Variants in OTOG observed in about 807,000 individuals in gnomAD.
OTOG encodes otogelin.
In OTOG, 296 loss-of-function variants were observed where a neutral mutation model predicts 313.8. The observed-to-expected ratio is 0.94, with a 90% confidence interval of 0.86 to 1.04. OTOG has a LOEUF of 1.04. Ranked by LOEUF, OTOG falls within the 50% of genes least tolerant of loss-of-function variation. The probability of loss-of-function intolerance (pLI) is 0.00; values close to 1 mark genes in which losing one functional copy is unlikely to be tolerated. For synonymous variants in OTOG, 1,533 were observed against 1,554.9 expected (o/e 0.99, Z 0.33); for missense variants, 3,948 against 3,840.1 (o/e 1.03, Z -0.74).
In OTOG at chr11:17,611,351, C is replaced by T; in HGVS notation, c.6051C>T (p.Ala2017=). Residue 2017 remains alanine, a synonymous_variant, in exon 36 of 56, where the codon GCC becomes GCT. Coordinates refer to ENST00000399397, the MANE Select transcript of OTOG (RefSeq NM_001292063.2). ...AACCATCTGGGCGCTCAGCCCCAGC[C>T]CTGAGCATCGTAGAGGGTTTGGCGG... ...TTEPSGRSAP[A]LSIVEGLAEA... The T allele has an allele frequency of 1.3e-6, 2 of 1,550,034 alleles. No individual in the cohort carries two copies. Among genetic ancestry groups the T allele is most frequent in the Non-Finnish European group, 8.7e-7 (1 of 1,146,580 alleles).
chr11:17,639,308 T>C, intron 48 of OTOG, 115 bp from the exon 49 acceptor site: 3 of 1,122,572 alleles, frequency 2.7e-6, no homozygotes, highest in Non-Finnish European at 3.9e-6. Flanking sequence ...AGGCCTGGCC[T>C]GGAGCTGGGT....
chr11:17,586,351 C>G, intron 23 of OTOG, 123 bp from the exon 24 acceptor site: 1 of 447,020 alleles, frequency 2.2e-6, no homozygotes. Context: ...AATACACAGT[C>G]AGTCTCTTCT....
rs1854189344 is a variant in OTOG at position 17,633,735 on chromosome 11, A to C, written c.7128A>C (p.Pro2376=). ...TYQACVTACE[P]PKTCQDGILG... is the part of the protein sequence containing the mutation. ...AGGCATGTGTGACAGCCTGTGAGCC[A>C]CCCAAGACATGCCAGGATGGGATAC... The change falls in exon 43 of 56, where the codon CCA becomes CCC. Residue 2376 remains proline (P), a synonymous_variant. Transcript: ENST00000399397. The C allele has an allele frequency of 1.3e-6, 2 of 1,550,194 alleles. No individual in the cohort carries two copies. Among genetic ancestry groups the C allele is most frequent in the South Asian group, 1.2e-5 (1 of 84,020 alleles).
In OTOG at chr11:17,631,895, C is replaced by A. The variant is rs1386742817; in HGVS notation, c.6906C>A (p.Asn2302Lys). The A allele has an allele frequency of 6.5e-7, 1 of 1,550,284 alleles. No homozygotes were observed. The highest frequency in any genetic ancestry group is 1.2e-5 in the South Asian group (1 of 84,058). Residue 2302 changes from asparagine to lysine, a missense_variant, in exon 41 of 56, where the codon AAC becomes AAA. Coordinates refer to ENST00000399397, the MANE Select transcript of OTOG (RefSeq NM_001292063.2). ...CGCCCTGCCTTCGCATGGTGTCCAA[C>A]CGCACCTTCAGTGCCTGCCACCGCT... ...DCSPCLRMVS[N>K]RTFSACHRFV...
chr11:17,596,963 G>A lies in OTOG; in HGVS notation c.3638G>A (p.Cys1213Tyr). ...GTCTCCGCTTATGCCCACCAGTGTT[G>A]CCAGCATGGGGTGGCTGTTGACTGG... ...ASVSAYAHQC[C>Y]QHGVAVDWRT... Residue 1213 changes from cysteine (C) to tyrosine (Y), a missense_variant, in exon 30 of 56, where the codon TGC becomes TAC. Transcript: ENST00000399397. The A allele has an allele frequency of 6.4e-7, 1 of 1,550,584 alleles. No individual in the cohort carries two copies. Among genetic ancestry groups the A allele is most frequent in the Non-Finnish European group, 8.7e-7 (1 of 1,147,010 alleles).
chr11:17,570,120 C>G (rs1048228797), intron 16 of OTOG, 93 bp from the exon 17 acceptor site: 2 of 1,169,264 alleles, frequency 1.7e-6, no homozygotes, highest in African/African-American at 1.5e-5. Context: ...CTGGGCCGGG[C>G]GTGGGAGTCT....
Position 17,643,520 on chromosome 11 carries a change from G to T in OTOG, c.8461+14G>T. ...GCTGCAGGACCTGTGAGTGAGCATGGTGGGGGCCCAGGGGTGGGGGGCTCT... is the reference window on the plus strand; with the variant it reads ...GCTGCAGGACCTGTGAGTGAGCATGTTGGGGGCCCAGGGGTGGGGGGCTCT... On this transcript the variant is annotated intron_variant, in intron 54 of 55. Coordinates refer to ENST00000399397, the MANE Select transcript of OTOG (RefSeq NM_001292063.2). The T allele has an allele frequency of 6.9e-7, 1 of 1,442,260 alleles. No homozygotes were observed. The allele number at this position is 1,442,260 out of a possible 1,614,324, so 89.3% of individuals were successfully genotyped here. A position where few individuals can be genotyped will look rare whatever the true frequency, so the allele number is the denominator to read the frequency against.
intron 53 of OTOG, among the ~76,000 whole-genome samples, chr11:17,642,885 C>T (rs1848004064): frequency 6.6e-6 from 1 of 152,192 alleles, no homozygotes; most frequent in Non-Finnish European, 1.5e-5. Context: ...CACACATGTA[C>T]ACACAGATGC....
chr11:17,584,276 A>C (rs1281038473), intron 23 of OTOG, among the ~76,000 whole-genome samples: 1 of 152,102 alleles, frequency 6.6e-6, no homozygotes, highest in Non-Finnish European at 1.5e-5. Context: ...CTTTATTTTA[A>C]ATTTTTACAT....
rs776064385 is a variant in OTOG, at chr11:17,632,201, C to T, written c.7047C>T (p.Ile2349=). The change falls in exon 42 of 56, where the codon ATC becomes ATT. Residue 2349 remains isoleucine, a synonymous_variant. Transcript: ENST00000399397. ...VAMCHKFHVC[I]EWRRSDYCPF... is the part of the protein sequence containing the mutation. Reference sequence around the variant, plus strand: ...TGTGCCACAAATTTCATGTGTGCATCGAGTGGCGGCGCTCTGACTACTGCC... The same window carrying T: ...TGTGCCACAAATTTCATGTGTGCATTGAGTGGCGGCGCTCTGACTACTGCC... The T allele has an allele frequency of 3.7e-5, 57 of 1,550,728 alleles. No homozygotes were observed. The highest frequency in any genetic ancestry group is 2.3e-4 in the South Asian group (19 of 84,056).
rs1180074995 is a variant in OTOG, at chr11:17,635,755, C to A, written c.7795+44C>A. The A allele has an allele frequency of 3.4e-6, 5 of 1,480,344 alleles. No homozygotes were observed. In the East Asian group the frequency reaches 9.9e-5, roughly 29 times the overall value. 91.7% of individuals were successfully genotyped at this position (1,480,344 alleles called of 1,614,324 possible). On this transcript the variant is annotated intron_variant, in intron 47 of 55. Coordinates refer to ENST00000399397, the MANE Select transcript of OTOG (RefSeq NM_001292063.2). Reference sequence around the variant, plus strand: ...CATGGCGGGCTGCGGCAGGAAGGGGCCCTTCACAGAGTTCCCACCCCGGAC... The same window carrying A: ...CATGGCGGGCTGCGGCAGGAAGGGGACCTTCACAGAGTTCCCACCCCGGAC...
chr11:17,576,824 C>T (rs1157034689), intron 21 of OTOG, 44 bp from the exon 22 acceptor site: 1 of 1,547,362 alleles, frequency 6.5e-7, no homozygotes, highest in Non-Finnish European at 8.7e-7. Flanking sequence ...CTGGGTCCTG[C>T]AGTGACTGGG....
chr11:17,559,280 G>GT, intron 11 of OTOG, 119 bp downstream of exon 11: 1 of 986,734 alleles, frequency 1.0e-6, no homozygotes, highest in Non-Finnish European at 1.5e-6. Flanking sequence ...CAGCCCCGAG[G>GT]TTTTATCGCC....
At chr11:17,589,722 G>A (rs11604368) in intron 24 of OTOG, among the ~76,000 whole-genome samples, 9,157 of 152,106 alleles carry the variant, frequency 0.06, 391 homozygotes, top group African/African-American at 0.12. Flanking sequence ...TCAACTTTCT[G>A]TTCTCCCGTT....
intron 28 of OTOG, among the ~76,000 whole-genome samples, chr11:17,595,275 C>G (rs1372463501): frequency 1.3e-5 from 2 of 152,232 alleles, no homozygotes; most frequent in Non-Finnish European, 2.9e-5. Flanking sequence ...GTTCTCCCCA[C>G]ACCCCCATGT....
chr11:17,591,383 T>C (rs1852928257), intron 24 of OTOG, 67 bp from the exon 25 acceptor site: 1 of 1,532,446 alleles, frequency 6.5e-7, no homozygotes, highest in South Asian at 1.2e-5. Context: ...AAGCCATGGC[T>C]CTGTCATGAG....
intron 9 of OTOG, 52 bp downstream of exon 9, chr11:17,558,367 A>T: frequency 6.5e-7 from 1 of 1,542,862 alleles, no homozygotes; most frequent in South Asian, 1.2e-5. Flanking sequence ...CTTGCTATCC[A>T]ACTCTTCGAA....
At position 17,561,170 on chromosome 11, in the gene OTOG, C is replaced by T. The variant is rs150977482; in HGVS notation, c.1498+33C>T. 1,607 of 1,550,026 alleles carry T rather than the reference C, an allele frequency of 1.0e-3. 13 individuals are homozygous for T. In the African/African-American group the frequency reaches 0.019, roughly 18 times the overall value. ...TGCCCCCCACCTTGCACTAGGATCC[C>T]TTCTACCAGTCTGATAGGTTTTGGG... On this transcript the variant is annotated intron_variant, in intron 14 of 55. Transcript: ENST00000399397.
intron 19 of OTOG, among the ~76,000 whole-genome samples, chr11:17,574,298 G>A (rs1336520291): frequency 6.9e-6 from 1 of 144,964 alleles, no homozygotes; most frequent in Non-Finnish European, 1.5e-5. Context: ...ACACAGCCAG[G>A]GGAGTGAGGG....
Sources: allele counts gnomAD v4.1 joint callset (sites outside exome capture counted in the v4.1 genomes callset), GRCh38; gene constraint gnomAD v4.1.1; transcripts MANE v1.5; gene names NCBI Gene and HGNC (gene_info 2026-07-23, HGNC 2026-07-21).